The following TOX3 variants were observed in gnomAD, a reference collection of about 807,000 sequenced individuals.
TOX3 encodes the protein TOX high mobility group box family member 3.
In TOX3, 22 loss-of-function variants were observed where a neutral mutation model predicts 64.3. The observed-to-expected ratio is 0.34, with a 90% CI of 0.24 to 0.49. The LOEUF (loss-of-function observed/expected upper bound fraction) is 0.49, where lower values mean the gene tolerates loss of function less well. Among genes scored for constraint, TOX3 ranks in the 20% least tolerant of loss-of-function variants. The pLI is 0.99. For missense variants in TOX3, 661 were observed against 714.4 expected (o/e 0.93, Z 0.85); for synonymous variants, 291 against 273.6 (o/e 1.06, Z -0.63).
At chr16:52,461,636 A>G (rs1960693485) in intron 3 of TOX3, among the ~76,000 whole-genome samples, 1 of 152,172 alleles carries the variant, frequency 6.6e-6, no homozygotes, top group Non-Finnish European at 1.5e-5. Context: ...TTAATTCACC[A>G]TAGCAATCCT....
In TOX3 at chr16:52,464,048, C is replaced by T. The variant is rs749145973; in HGVS notation, c.294G>A (p.Gln98=). 2 of 1,602,966 alleles carry T rather than the reference C, an allele frequency of 1.2e-6. No individual in the cohort carries two copies. Among genetic ancestry groups the T allele is most frequent in the Non-Finnish European group, 1.7e-6 (2 of 1,175,126 alleles). Residue 98 remains glutamine, a synonymous_variant, in exon 3 of 7, where the codon CAG becomes CAA. Transcript: ENST00000219746. ...FQALSDPLPS[Q]GSEFTPQFPP... ...GAAACTGGGGTGTGAATTCACTTCC[C>T]TGGGAAGGCAATGGATCGCTGAGGG...
intron 1 of TOX3, among the ~76,000 whole-genome samples, chr16:52,533,613 T>C (rs1023459006): frequency 1.3e-5 from 2 of 152,234 alleles, no homozygotes; most frequent in Non-Finnish European, 2.9e-5. Context: ...TTTTCTTTTA[T>C]GTGTGGAAAG....
At chr16:52,500,323 T>A (rs989235339) in intron 1 of TOX3, among the ~76,000 whole-genome samples, 1 of 152,198 alleles carries the variant, frequency 6.6e-6, no homozygotes, top group African/African-American at 2.4e-5. Context: ...ATGCACATCA[T>A]CTTAGCCTAG....
At position 52,450,791 on chromosome 16, in the gene TOX3, TGGAAGGAAGGAAGGAA is replaced by T. The variant is rs555228421; in HGVS notation, c.409-261_409-246del. 5.3e-3 allele frequency among the ~76,000 whole-genome samples: 619 copies of T among 116,618 alleles called. 2 individuals are homozygous for T. The highest frequency in any genetic ancestry group is 0.017 in the African/African-American group (492 of 29,390). 76.5% of individuals were successfully genotyped at this position (116,618 alleles called of 152,430 possible). A position where few individuals can be genotyped will look rare whatever the true frequency, so the allele number is the denominator to read the frequency against. ...TTCATTATAGAACTGTCAGTGGATGTGGAAGGAAGGAAGGAAGGAAGGAAGGAAGGAAGGAAGGAAG... is the reference window on the plus strand; with the variant it reads ...TTCATTATAGAACTGTCAGTGGATGTGGAAGGAAGGAAGGAAGGAAGGAAG... On this transcript the variant is annotated intron_variant, in intron 3 of 6. Coordinates refer to ENST00000219746, the MANE Select transcript of TOX3 (RefSeq NM_001080430.4).
At chr16:52,476,833 G>A (rs1033293744) in intron 1 of TOX3, among the ~76,000 whole-genome samples, 2 of 152,104 alleles carry the variant, frequency 1.3e-5, no homozygotes, top group Non-Finnish European at 2.9e-5. Context: ...TTGATTTTAA[G>A]GGGTGAAAAC....
chr16:52,527,858 G>T (rs1278170828), intron 1 of TOX3, among the ~76,000 whole-genome samples: 1 of 152,256 alleles, frequency 6.6e-6, no homozygotes, highest in Non-Finnish European at 1.5e-5. Context: ...TAGCTCAGTG[G>T]CTCTGAACCA....
intron 1 of TOX3, among the ~76,000 whole-genome samples, chr16:52,518,030 C>T (rs1962503204): frequency 1.3e-5 from 2 of 152,050 alleles, no homozygotes; most frequent in Admixed American, 1.3e-4. Flanking sequence ...TGTTGAACCA[C>T]CCCCTCCCCT....
At chr16:52,501,972 C>G (rs1286865940) in intron 1 of TOX3, among the ~76,000 whole-genome samples, 1 of 152,198 alleles carries the variant, frequency 6.6e-6, no homozygotes, top group Non-Finnish European at 1.5e-5. Context: ...ACACAGTTTC[C>G]TGTACTTTAA....
intron 1 of TOX3, among the ~76,000 whole-genome samples, chr16:52,500,774 G>A (rs1961979507): frequency 1.3e-5 from 2 of 151,768 alleles, no homozygotes; most frequent in Non-Finnish European, 2.9e-5. Context: ...TAAAATCTAA[G>A]ACACCATTGA....
chr16:52,477,193 A>G (rs1443368193), intron 1 of TOX3, among the ~76,000 whole-genome samples: 2 of 152,172 alleles, frequency 1.3e-5, no homozygotes, highest in African/African-American at 4.8e-5. Context: ...ACCTACTTGT[A>G]CACAGGCTGT....
intron 1 of TOX3, among the ~76,000 whole-genome samples, chr16:52,511,793 G>A (rs1192193991): frequency 6.6e-6 from 1 of 152,168 alleles, no homozygotes; most frequent in African/African-American, 2.4e-5. Context: ...AGTAGTTTGA[G>A]AACCGTTAGC....
intron 1 of TOX3, among the ~76,000 whole-genome samples, chr16:52,534,199 G>C (rs977302318): frequency 6.6e-6 from 1 of 152,118 alleles, no homozygotes; most frequent in Non-Finnish European, 1.5e-5. Context: ...TTTTAGTAAG[G>C]AAAATGGACA....
intron 1 of TOX3, among the ~76,000 whole-genome samples, chr16:52,505,859 C>T (rs952360938): frequency 3.9e-5 from 6 of 151,998 alleles, no homozygotes; most frequent in African/African-American, 1.5e-4. Flanking sequence ...GCCTGTAGTC[C>T]CAGCTACCCA....
At chr16:52,470,135 A>T (rs976678066) in intron 1 of TOX3, among the ~76,000 whole-genome samples, 2 of 152,258 alleles carry the variant, frequency 1.3e-5, no homozygotes, top group African/African-American at 4.8e-5. Context: ...ACACTCACAC[A>T]CATATTTTCC....
chr16:52,468,490 C>T lies in TOX3; in HGVS notation c.153+19G>A, dbSNP rs771057578. Reference sequence around the variant, plus strand: ...ATAACACAAAAAACAGGAACAAACACATTAAGACAGTCACCTACCTCACTG... The same window carrying T: ...ATAACACAAAAAACAGGAACAAACATATTAAGACAGTCACCTACCTCACTG... On this transcript the variant is annotated intron_variant, in intron 2 of 6. Coordinates refer to ENST00000219746, the MANE Select transcript of TOX3 (RefSeq NM_001080430.4). 7 of 1,609,660 alleles carry T rather than the reference C, an allele frequency of 4.3e-6. No individual in the cohort carries two copies. The South Asian group carries it at 7.7e-5, about 18-fold the overall frequency.
rs1182357054 is a variant in TOX3, at chr16:52,439,304, T to C, written c.1652A>G (p.Gln551Arg). Residue 551 changes from glutamine to arginine, a missense_variant, in exon 7 of 7, where the codon CAG becomes CGG. Around this residue, in one of 3 missense-constraint regions of TOX3, gnomAD observed 299 missense variants for 292.1 expected, o/e 1.02. Transcript: ENST00000219746. ...CGACTGGTGCTGCTGAGAGGCTGGCTGGGGGCTCCCGATGGCAGGGATGGG... is the reference window on the plus strand; with the variant it reads ...CGACTGGTGCTGCTGAGAGGCTGGCCGGGGGCTCCCGATGGCAGGGATGGG... ...TSPIPAIGSPQPASQQHQSQI... is the reference protein window; with the variant it reads ...TSPIPAIGSPRPASQQHQSQI... The C allele has an allele frequency of 6.2e-7, 1 of 1,613,716 alleles. No individual in the cohort carries two copies. The highest frequency in any genetic ancestry group is 2.2e-5 in the East Asian group (1 of 44,866).
intron 1 of TOX3, among the ~76,000 whole-genome samples, chr16:52,543,484 T>C (rs540325571): frequency 6.6e-6 from 1 of 152,324 alleles, no homozygotes; most frequent in South Asian, 2.1e-4. Context: ...CAAATTGAAC[T>C]CAGGAAAGAA....
rs139570637 is a variant in TOX3, at chr16:52,472,671, A to C, written c.88-4097T>G. On this transcript the variant is annotated intron_variant, in intron 1 of 6. Transcript: ENST00000219746. ...AGTCAAGACAAAATATTCCAAATAA[A>C]CTAAATGAATATCAGGTAAAGTAGT... Among the ~76,000 whole-genome samples, 1,231 of 152,316 alleles carry C rather than the reference A, an allele frequency of 8.1e-3. 20 individuals are homozygous for C. Among genetic ancestry groups the C allele is most frequent in the African/African-American group, 0.028 (1,169 of 41,558 alleles).
intron 1 of TOX3, among the ~76,000 whole-genome samples, chr16:52,500,431 T>C (rs1381747457): frequency 2.0e-5 from 3 of 152,188 alleles, no homozygotes; most frequent in African/African-American, 7.2e-5. Flanking sequence ...GAAGCAATAA[T>C]ATCACATGGC....
Sources: allele counts gnomAD v4.1 joint callset (sites outside exome capture counted in the v4.1 genomes callset), GRCh38; gene constraint gnomAD v4.1.1; regional missense constraint gnomAD v4.1.1; transcripts MANE v1.5; gene names NCBI Gene and HGNC (gene_info 2026-07-23, HGNC 2026-07-21).